The following GRIK4 variants were observed in gnomAD, a reference collection of about 807,000 sequenced individuals.
The protein encoded by GRIK4 is glutamate ionotropic receptor kainate type subunit 4, also known as glutamate receptor ionotropic, kainate 4.
In GRIK4, 40 loss-of-function variants were observed where a neutral mutation model predicts 104.9. The observed-to-expected ratio is 0.38, with a 90% CI of 0.30 to 0.50. GRIK4 has a LOEUF of 0.50. Among genes scored for constraint, GRIK4 ranks in the 20% least tolerant of loss-of-function variants. GRIK4 has a pLI of 0.93. For missense variants in GRIK4, 1,047 were observed against 1,308.1 expected (o/e 0.80, Z 3.08); for synonymous variants, 485 against 524.9 (o/e 0.92, Z 1.04).
chr11:120,973,312 C>G (rs1396554807), intron 19 of GRIK4, among the ~76,000 whole-genome samples: 1 of 152,154 alleles, frequency 6.6e-6, no homozygotes, highest in African/African-American at 2.4e-5. Flanking sequence ...AAAGGGAGAT[C>G]AGGCTTCCAG....
Position 120,660,262 on chromosome 11 carries a change from C to T in GRIK4, c.-50-7C>T. 7.7e-7 allele frequency: 1 copy of T among 1,303,104 alleles called. No homozygotes were observed. The allele number at this position is 1,303,104 out of a possible 1,614,324, so 80.7% of individuals were successfully genotyped here. A position where few individuals can be genotyped will look rare whatever the true frequency, so the allele number is the denominator to read the frequency against. On this transcript the variant is annotated splice_region_variant and splice_polypyrimidine_tract_variant and intron_variant, in intron 2 of 20. Transcript: ENST00000527524. ...GACTCACGTGCCCCCAACCCCCTCT[C>T]TCGCAGAGTTATGTCATGCCCAGGC...
In GRIK4 at chr11:120,940,389, C is replaced by T. The variant is rs747648319; in HGVS notation, c.1519C>T (p.Arg507Trp). The T allele has an allele frequency of 1.3e-5, 21 of 1,613,484 alleles. No individual in the cohort carries two copies. The highest frequency in any genetic ancestry group is 3.3e-5 in the Admixed American group (2 of 59,978). ...GGCAGGCCTCACCATTACAGCTGAA[C>T]GGGAGAAGGTGATTGATTTCTCTAA... ...AVAGLTITAE[R>W]EKVIDFSKPF... Residue 507 changes from arginine (R) to tryptophan (W), a missense_variant, in exon 14 of 21, where the codon CGG becomes TGG. By Grantham distance (101) the Arg-to-Trp change is moderately radical. This residue lies in a region of GRIK4 where 440 missense variants were observed against 652.3 expected (regional missense o/e 0.67). Coordinates refer to ENST00000527524, the MANE Select transcript of GRIK4 (RefSeq NM_014619.5). This position sits in a 1 kb window ranked among gnomAD's most constrained non-coding sequence, Gnocchi z 4.3.
At chr11:120,648,605 T>C (rs537283982) in intron 1 of GRIK4, among the ~76,000 whole-genome samples, 6 of 152,192 alleles carry the variant, frequency 3.9e-5, no homozygotes, top group African/African-American at 1.4e-4. Flanking sequence ...TGTGGAGGAA[T>C]GTTCCAGAGA....
At chr11:120,876,717 G>A (rs1260745306) in intron 11 of GRIK4, among the ~76,000 whole-genome samples, 1 of 152,164 alleles carries the variant, frequency 6.6e-6, no homozygotes, top group Non-Finnish European at 1.5e-5. Context: ...GACCCAGAGA[G>A]ATCTACCTCT....
chr11:120,631,322 T>C (rs1190432189), intron 1 of GRIK4, among the ~76,000 whole-genome samples: 1 of 152,234 alleles, frequency 6.6e-6, no homozygotes, highest in Admixed American at 6.5e-5. Flanking sequence ...ATGCTGACCC[T>C]AGGGTCTGGG....
intron 1 of GRIK4, among the ~76,000 whole-genome samples, chr11:120,645,193 C>T (rs1461991146): frequency 2.0e-5 from 3 of 152,106 alleles, no homozygotes; most frequent in East Asian, 1.9e-4. Context: ...TCAAGAGCAG[C>T]GTGAAGATCT....
At chr11:120,588,897 G>C (rs552082342) in intron 1 of GRIK4, among the ~76,000 whole-genome samples, 3 of 152,278 alleles carry the variant, frequency 2.0e-5, no homozygotes, top group South Asian at 4.1e-4. Flanking sequence ...GTCGGTATAG[G>C]GGGTAGAGCT....
At chr11:120,580,132 G>A (rs1770443274) in intron 1 of GRIK4, among the ~76,000 whole-genome samples, 1 of 152,110 alleles carries the variant, frequency 6.6e-6, no homozygotes, top group African/African-American at 2.4e-5. Flanking sequence ...GTTGAAGGAC[G>A]TTTGGATTGT....
Position 120,988,162 on chromosome 11 carries a change from C to G in GRIK4, c.*1902C>G, listed in dbSNP as rs566094864. Reference sequence around the variant, plus strand: ...GATACTCGTTTTGTCCTCACCTGACCTCACTCATGAATTTGAATCCTTTAT... The same window carrying G: ...GATACTCGTTTTGTCCTCACCTGACGTCACTCATGAATTTGAATCCTTTAT... On this transcript the variant is annotated 3_prime_UTR_variant, in exon 21 of 21. Transcript: ENST00000527524. 6.6e-6 allele frequency: 1 copy of G among 152,222 alleles called. No individual in the cohort carries two copies. The highest frequency in any genetic ancestry group is 1.5e-5 in the Non-Finnish European group (1 of 68,058). The allele number at this position is 152,222 out of a possible 1,614,324, so 9.4% of individuals were successfully genotyped here. A position where few individuals can be genotyped will look rare whatever the true frequency, so the allele number is the denominator to read the frequency against.
At chr11:120,531,141 C>T (rs1177801958) in intron 1 of GRIK4, among the ~76,000 whole-genome samples, 1 of 152,154 alleles carries the variant, frequency 6.6e-6, no homozygotes, top group Non-Finnish European at 1.5e-5. Flanking sequence ...TGAGAGAGTG[C>T]TTTGCTTAAG....
intron 3 of GRIK4, among the ~76,000 whole-genome samples, chr11:120,711,364 CA>C (rs1950732616): frequency 6.6e-6 from 1 of 152,132 alleles, no homozygotes; most frequent in South Asian, 2.1e-4. Flanking sequence ...TCTGCTGCCC[CA>C]AGTCAGAGAC....
chr11:120,837,878 G>A (rs1458693308), intron 8 of GRIK4, among the ~76,000 whole-genome samples: 1 of 152,102 alleles, frequency 6.6e-6, no homozygotes, highest in Non-Finnish European at 1.5e-5. Flanking sequence ...TGGGAGCCTG[G>A]GAAATAGAAG....
intron 3 of GRIK4, among the ~76,000 whole-genome samples, chr11:120,711,199 G>C (rs1382640403): frequency 6.6e-6 from 1 of 152,250 alleles, no homozygotes; most frequent in African/African-American, 2.4e-5. Context: ...AGTGGAGGCA[G>C]AGGGTAAATG....
At chr11:120,547,186 C>T (rs1948092836) in intron 1 of GRIK4, among the ~76,000 whole-genome samples, 1 of 152,250 alleles carries the variant, frequency 6.6e-6, no homozygotes, top group Non-Finnish European at 1.5e-5. Context: ...ATTCCTTCCA[C>T]AGTGCCTCTC....
Position 120,517,568 on chromosome 11 carries a change from C to T in GRIK4, c.-159+5681C>T, listed in dbSNP as rs1335610015. Among the ~76,000 whole-genome samples the T allele has an allele frequency of 3.1e-5, 4 of 130,732 alleles. 1 individual carries two copies. The highest frequency in any genetic ancestry group is 6.5e-5 in the African/African-American group (2 of 30,916). The allele number at this position is 130,732 out of a possible 152,430, so 85.8% of individuals were successfully genotyped here. A position where few individuals can be genotyped will look rare whatever the true frequency, so the allele number is the denominator to read the frequency against. On this transcript the variant is annotated intron_variant, in intron 1 of 20. Transcript: ENST00000527524. The stretch of plus-strand genomic sequence containing the variant: ...TGGTGAGGGTGATAGCTGTGCTACG[C>T]TGCGGGGTGTTGGGAGAGAGGACGC...
In GRIK4 at chr11:120,815,459, T is replaced by G; in HGVS notation, c.329T>G (p.Ile110Ser). 6.5e-7 allele frequency: 1 copy of G among 1,546,192 alleles called. No homozygotes were observed. The highest frequency in any genetic ancestry group is 8.8e-7 in the Non-Finnish European group (1 of 1,142,696). ...SPASSSIISN[I>S]CGEKEVPHFK... ...GCCTCCAGCTCCATCATCAGCAACA[T>G]CTGTGGAGAGAAGGAGGTGAGTGTG... Residue 110 changes from isoleucine to serine, a missense_variant, in exon 5 of 21, where the codon ATC becomes AGC. Around this residue, in one of 3 missense-constraint regions of GRIK4, gnomAD observed 447 missense variants for 514.9 expected, o/e 0.87. Coordinates refer to ENST00000527524, the MANE Select transcript of GRIK4 (RefSeq NM_014619.5).
intron 3 of GRIK4, among the ~76,000 whole-genome samples, chr11:120,668,302 GA>G: frequency 7.8e-6 from 1 of 128,362 alleles, no homozygotes; most frequent in African/African-American, 2.9e-5. Context: ...AAAGAAAAAA[GA>G]AAAGAAAAGA....
chr11:120,534,491 C>T (rs533532067), intron 1 of GRIK4, among the ~76,000 whole-genome samples: 10 of 152,170 alleles, frequency 6.6e-5, no homozygotes, highest in Middle Eastern at 3.4e-3. Context: ...AAGCTGATGA[C>T]GGAGCGCTGA....
At chr11:120,845,530 T>A (rs1286432045) in intron 8 of GRIK4, among the ~76,000 whole-genome samples, 1 of 152,116 alleles carries the variant, frequency 6.6e-6, no homozygotes, top group Non-Finnish European at 1.5e-5. Context: ...TCAGAAACAT[T>A]TCAGTTGGCC....
Sources: gnomAD v4.1 joint callset for allele counts (sites outside exome capture counted in the v4.1 genomes callset) on GRCh38, gnomAD v4.1.1 for gene constraint, gnomAD v4.1.1 regional missense constraint, Gnocchi (gnomAD v3.1) non-coding constraint, MANE v1.5 for transcripts, NCBI Gene and HGNC (gene_info 2026-07-23, HGNC 2026-07-21) for gene names.